LRRC8B: variants seen among roughly 807,000 people sequenced by gnomAD.
The protein encoded by LRRC8B is leucine rich repeat containing 8 VRAC subunit B.
LRRC8B carries 23 observed loss-of-function variants against 58.8 expected under a neutral mutation model. That is an observed-to-expected ratio of 0.39 (90% CI 0.28 to 0.55). The LOEUF (loss-of-function observed/expected upper bound fraction) is 0.55. Among genes scored for constraint, LRRC8B ranks in the 20% least tolerant of loss-of-function variants. The pLI is 0.62. For synonymous variants in LRRC8B, 359 were observed against 374.1 expected, an observed-to-expected ratio of 0.96 and a Z score of 0.47; for missense variants, 694 against 936.0, an observed-to-expected ratio of 0.74 and a Z score of 3.37.
rs376805758 is a variant in LRRC8B at position 89,584,168 on chromosome 1, A to G, written c.1518A>G (p.Val506=). ...FTEMGKIPRW[V]FHLKNLKELY... ...AAATGGGAAAAATCCCACGCTGGGT[A>G]TTTCACCTCAAGAATCTCAAGGAAC... The change falls in exon 5 of 6, where the codon GTA becomes GTG. Residue 506 remains valine (V), a synonymous_variant. Coordinates refer to ENST00000330947, the MANE Select transcript of LRRC8B (RefSeq NM_001369817.2). The G allele has an allele frequency of 6.2e-6, 10 of 1,611,704 alleles. No homozygotes were observed. In the African/African-American group the frequency reaches 1.3e-4, roughly 22 times the overall value.
chr1:89,528,377 A>T (rs1002519636), intron 1 of LRRC8B, among the ~76,000 whole-genome samples: 2 of 152,218 alleles, frequency 1.3e-5, no homozygotes, highest in Admixed American at 1.3e-4. Context: ...ATTTAAGAGC[A>T]TATTCAAACT....
At chr1:89,558,068 C>G (rs906225496) in intron 1 of LRRC8B, among the ~76,000 whole-genome samples, 3 of 152,134 alleles carry the variant, frequency 2.0e-5, no homozygotes, top group Non-Finnish European at 4.4e-5. Flanking sequence ...AGCAGGGTTC[C>G]AAACTGATTG....
At chr1:89,560,936 G>C (rs1404724939) in intron 1 of LRRC8B, among the ~76,000 whole-genome samples, 1 of 151,958 alleles carries the variant, frequency 6.6e-6, no homozygotes, top group Non-Finnish European at 1.5e-5. Context: ...GGTAATTCTA[G>C]TTCTAGATCC....
At chr1:89,585,434 A>G (rs1463959136) in intron 5 of LRRC8B, among the ~76,000 whole-genome samples, 1 of 152,214 alleles carries the variant, frequency 6.6e-6, no homozygotes, top group African/African-American at 2.4e-5. Flanking sequence ...CCAAACCATG[A>G]AAAAACAAAA....
chr1:89,560,677 A>G (rs368214990), intron 1 of LRRC8B, among the ~76,000 whole-genome samples: 21 of 149,234 alleles, frequency 1.4e-4, no homozygotes, highest in Non-Finnish European at 2.7e-4. Context: ...GAGAATGATG[A>G]TTTCCAATTT....
At chr1:89,552,653 C>G (rs1651907821) in intron 1 of LRRC8B, among the ~76,000 whole-genome samples, 2 of 152,126 alleles carry the variant, frequency 1.3e-5, no homozygotes, top group Non-Finnish European at 2.9e-5. Flanking sequence ...ACATTTTTCT[C>G]CAAAGTAAGT....
At chr1:89,563,413 T>G (rs574128580) in intron 1 of LRRC8B, among the ~76,000 whole-genome samples, 63 of 152,260 alleles carry the variant, frequency 4.1e-4, no homozygotes, top group Non-Finnish European at 1.5e-4. Context: ...CCGGCACAGG[T>G]TAACTTTTTA....
rs1215034183 is a variant in LRRC8B, at chr1:89,596,170, T to A, written c.*3127T>A. ...CCTAAGTTATGACATTTAGAAGAAA[T>A]CACATGCTCAACCTTAATCTGAGAA... is the stretch of plus-strand genomic sequence containing the variant. On this transcript the variant is annotated 3_prime_UTR_variant, in exon 6 of 6. Coordinates refer to ENST00000330947, the MANE Select transcript of LRRC8B (RefSeq NM_001369817.2). The A allele has an allele frequency of 6.6e-6, 1 of 152,072 alleles. No individual in the cohort carries two copies. Among genetic ancestry groups the A allele is most frequent in the East Asian group, 1.9e-4 (1 of 5,198 alleles). 9.4% of individuals were successfully genotyped at this position (152,072 alleles called of 1,614,324 possible). A position where few individuals can be genotyped will look rare whatever the true frequency, so the allele number is the denominator to read the frequency against.
chr1:89,525,765 CT>C (rs375533114), intron 1 of LRRC8B, among the ~76,000 whole-genome samples: 2 of 151,536 alleles, frequency 1.3e-5, no homozygotes, highest in Admixed American at 6.6e-5. Context: ...TTGTGGAAAA[CT>C]TTTTTTTTCT....
intron 1 of LRRC8B, among the ~76,000 whole-genome samples, chr1:89,562,669 C>T (rs1238164385): frequency 2.0e-5 from 3 of 152,090 alleles, no homozygotes; most frequent in African/African-American, 7.2e-5. Context: ...CATGATCTTG[C>T]CTTGTTGCCC....
rs1054819509 is a variant in LRRC8B at position 89,595,385 on chromosome 1, A to T, written c.*2342A>T. 1 of 152,142 alleles carries T rather than the reference A, an allele frequency of 6.6e-6. No homozygotes were observed. Among genetic ancestry groups the T allele is most frequent in the African/African-American group, 2.4e-5 (1 of 41,456 alleles). The allele number at this position is 152,142 out of a possible 1,614,324, so 9.4% of individuals were successfully genotyped here. A position where few individuals can be genotyped will look rare whatever the true frequency, so the allele number is the denominator to read the frequency against. ...TTAAGTTTTGGACATGAATATGCCA[A>T]AAGTGCTTAAATGTTTTTGGCCACA... On this transcript the variant is annotated 3_prime_UTR_variant, in exon 6 of 6. Coordinates refer to ENST00000330947, the MANE Select transcript of LRRC8B (RefSeq NM_001369817.2).
Position 89,582,636 on chromosome 1 carries a change from C to G in LRRC8B, c.-15C>G. The stretch of plus-strand genomic sequence containing the variant: ...TTTCCCTCTTCCAGTTTCTGTCCTC[C>G]TACAAGGGAAAGTCATGATTACACT... On this transcript the variant is annotated 5_prime_UTR_variant, in exon 5 of 6. Coordinates refer to ENST00000330947, the MANE Select transcript of LRRC8B (RefSeq NM_001369817.2). 4 of 1,588,936 alleles carry G rather than the reference C, an allele frequency of 2.5e-6. No homozygotes were observed. Among genetic ancestry groups the G allele is most frequent in the Non-Finnish European group, 1.7e-6 (2 of 1,158,792 alleles).
In LRRC8B at chr1:89,594,393, G is replaced by C. The variant is rs930754788; in HGVS notation, c.*1350G>C. 2 of 152,190 alleles carry C rather than the reference G, an allele frequency of 1.3e-5. No homozygotes were observed. Among genetic ancestry groups the C allele is most frequent in the African/African-American group, 4.8e-5 (2 of 41,460 alleles). The allele number at this position is 152,190 out of a possible 1,614,324, so 9.4% of individuals were successfully genotyped here. On this transcript the variant is annotated 3_prime_UTR_variant, in exon 6 of 6. Transcript: ENST00000330947. ...TCTACCTCTCTCTTCCATAGTTGCT[G>C]TGCAATCGTACGGGTAAAATTCTTA...
intron 3 of LRRC8B, among the ~76,000 whole-genome samples, chr1:89,578,396 G>A (rs558329086): frequency 1.3e-5 from 2 of 152,008 alleles, no homozygotes; most frequent in South Asian, 4.2e-4. Context: ...GATATATGTT[G>A]TAAGACTTTT....
At chr1:89,591,411 A>G (rs892334697) in intron 5 of LRRC8B, among the ~76,000 whole-genome samples, 2 of 152,172 alleles carry the variant, frequency 1.3e-5, no homozygotes, top group African/African-American at 4.8e-5. Context: ...GTAAGTCTGC[A>G]TATGTAGGGT....
intron 4 of LRRC8B, among the ~76,000 whole-genome samples, chr1:89,581,273 C>CAAA (rs5776023): frequency 9.7e-5 from 7 of 72,528 alleles, no homozygotes; most frequent in African/African-American, 1.7e-4. Flanking sequence ...GACTCCGTCT[C>CAAA]AAAAAAAAAA....
chr1:89,590,440 G>A (rs1654902735), intron 5 of LRRC8B, among the ~76,000 whole-genome samples: 2 of 152,232 alleles, frequency 1.3e-5, no homozygotes, highest in South Asian at 4.1e-4. Flanking sequence ...TGGGCAGAGA[G>A]CTGGAGAGAA....
At chr1:89,531,330 G>C (rs752881032) in intron 1 of LRRC8B, among the ~76,000 whole-genome samples, 6 of 152,184 alleles carry the variant, frequency 3.9e-5, no homozygotes, top group Non-Finnish European at 5.9e-5. Flanking sequence ...TTTATTATGT[G>C]CACATGTATG....
chr1:89,544,149 CAT>C (rs1651230514), intron 1 of LRRC8B, among the ~76,000 whole-genome samples: 1 of 151,996 alleles, frequency 6.6e-6, no homozygotes, highest in Admixed American at 6.6e-5. Flanking sequence ...TGTAAGAATA[CAT>C]AGTTATTTGG....
Sources: allele counts gnomAD v4.1 joint callset (sites outside exome capture counted in the v4.1 genomes callset), GRCh38; gene constraint gnomAD v4.1.1; transcripts MANE v1.5; gene names NCBI Gene and HGNC (gene_info 2026-07-23, HGNC 2026-07-21).